ME3: variants seen among roughly 807,000 people sequenced by gnomAD.
ME3 encodes the protein malic enzyme 3.
In ME3, 48 loss-of-function variants were observed where a neutral mutation model predicts 68.9. The ratio of observed to expected loss-of-function variants is 0.70; its 90% CI spans 0.55 to 0.89. The LOEUF is 0.89. Ranked by LOEUF, ME3 falls within the 40% of genes least tolerant of loss-of-function variation. ME3 has a pLI of 0.00. For synonymous variants in ME3, 320 were observed against 318.8 expected (o/e 1.00, Z -0.04); for missense variants, 675 against 797.4 (o/e 0.85, Z 1.85).
chr11:86,496,149 C>A (rs181397340), intron 6 of ME3, among the ~76,000 whole-genome samples: 5 of 152,138 alleles, frequency 3.3e-5, no homozygotes, highest in African/African-American at 9.6e-5. Context: ...CTCAAGTCTG[C>A]AATCTCAGCA....
chr11:86,458,825 G>A (rs1376622413), intron 8 of ME3, among the ~76,000 whole-genome samples: 2 of 152,102 alleles, frequency 1.3e-5, no homozygotes, highest in Admixed American at 6.5e-5. Flanking sequence ...CGAGCTGCAC[G>A]GTCTTCAGAG....
intron 2 of ME3, among the ~76,000 whole-genome samples, chr11:86,599,759 G>C (rs1171360994): frequency 6.6e-6 from 1 of 152,154 alleles, no homozygotes; most frequent in East Asian, 1.9e-4. Context: ...TCTCTTGGCA[G>C]AAACTCTACA....
intron 2 of ME3, among the ~76,000 whole-genome samples, chr11:86,652,393 C>A (rs537181335): frequency 1.3e-5 from 2 of 152,348 alleles, no homozygotes; most frequent in Middle Eastern, 3.4e-3. Context: ...AACAGCTGAT[C>A]TCTCTGCAGA....
exon 15 of ME3, chr11:86,441,378 C>A (rs1376870610): frequency 6.2e-7 from 1 of 1,613,062 alleles, no homozygotes. Flanking sequence ...TTACAAAAGC[C>A]TCCTTGTCCT....
At chr11:86,640,620 C>T (rs1328223761) in intron 2 of ME3, among the ~76,000 whole-genome samples, 2 of 152,194 alleles carry the variant, frequency 1.3e-5, no homozygotes, top group Non-Finnish European at 2.9e-5. Flanking sequence ...CAATAATGCC[C>T]AATGGATATT....
chr11:86,596,081 T>A (rs960795379), intron 2 of ME3, among the ~76,000 whole-genome samples: 1 of 152,256 alleles, frequency 6.6e-6, no homozygotes, highest in African/African-American at 2.4e-5. Flanking sequence ...TATTTTTCCC[T>A]TGACAACTCA....
intron 2 of ME3, among the ~76,000 whole-genome samples, chr11:86,574,782 C>T (rs543806733): frequency 6.6e-6 from 1 of 152,316 alleles, no homozygotes; most frequent in South Asian, 2.1e-4. Flanking sequence ...TCAACTTTCT[C>T]GTAGTCGCTC....
chr11:86,657,289 TAA>T (rs1456582530), intron 2 of ME3, among the ~76,000 whole-genome samples: 2 of 152,016 alleles, frequency 1.3e-5, no homozygotes, highest in African/African-American at 4.8e-5. Context: ...TATGCAGCCA[TAA>T]AAAAGAATGA....
At position 86,631,452 on chromosome 11, in the gene ME3, C is replaced by T. The variant is rs145876185; in HGVS notation, c.183+40310G>A. Among the ~76,000 whole-genome samples, 337 of 152,194 alleles carry T rather than the reference C, an allele frequency of 2.2e-3. 1 individual carries two copies. Among genetic ancestry groups the T allele is most frequent in the Middle Eastern group, 0.014 (4 of 294 alleles). ...GACAAGAATGTGAGAGAACTAGTGCCAAACTCATAAGAAAACCGTGGGCAA... is the reference window on the plus strand; with the variant it reads ...GACAAGAATGTGAGAGAACTAGTGCTAAACTCATAAGAAAACCGTGGGCAA... On this transcript the variant is annotated intron_variant, in intron 2 of 14. Coordinates refer to ENST00000543262, the Ensembl canonical transcript of ME3.
chr11:86,618,544 G>T (rs1218915020), intron 2 of ME3, among the ~76,000 whole-genome samples: 2 of 152,026 alleles, frequency 1.3e-5, no homozygotes, highest in African/African-American at 2.4e-5. Context: ...CTTGAAGCTG[G>T]TCACAATTGT....
chr11:86,517,660 G>A (rs150169029), intron 4 of ME3, among the ~76,000 whole-genome samples: 2 of 152,302 alleles, frequency 1.3e-5, no homozygotes, highest in East Asian at 1.9e-4. Flanking sequence ...GAGAGCAAAG[G>A]AAAAGAATTC....
intron 8 of ME3, among the ~76,000 whole-genome samples, chr11:86,458,236 T>TA (rs1451062043): frequency 1.3e-5 from 2 of 152,182 alleles, no homozygotes; most frequent in African/African-American, 2.4e-5. Context: ...TAAAGACAAA[T>TA]AAAAGTCTTG....
intron 7 of ME3, among the ~76,000 whole-genome samples, chr11:86,485,187 C>T (rs917998828): frequency 6.6e-6 from 1 of 152,196 alleles, no homozygotes; most frequent in Non-Finnish European, 1.5e-5. Context: ...ACAAACAAGT[C>T]CAATTCTCTT....
At chr11:86,480,923 A>G (rs1235758145) in intron 7 of ME3, among the ~76,000 whole-genome samples, 2 of 152,122 alleles carry the variant, frequency 1.3e-5, no homozygotes, top group Admixed American at 1.3e-4. Flanking sequence ...AAAACTGTGG[A>G]AAGTCTCTGT....
At chr11:86,583,993 C>A (rs1958589235) in intron 2 of ME3, among the ~76,000 whole-genome samples, 2 of 152,076 alleles carry the variant, frequency 1.3e-5, no homozygotes, top group Admixed American at 1.3e-4. Context: ...AATGCCTCTG[C>A]ACAGCAAAGA....
intron 4 of ME3, among the ~76,000 whole-genome samples, chr11:86,520,207 G>T (rs1354882443): frequency 6.6e-6 from 1 of 152,112 alleles, no homozygotes; most frequent in Non-Finnish European, 1.5e-5. Context: ...TGACTTTAGA[G>T]CCCAGGTGTA....
chr11:86,670,546 T>C (rs1310946548), intron 2 of ME3, among the ~76,000 whole-genome samples: 4 of 152,228 alleles, frequency 2.6e-5, no homozygotes. Flanking sequence ...TGGAAAGTGG[T>C]AGCGTCCAAA....
intron 7 of ME3, among the ~76,000 whole-genome samples, chr11:86,473,809 AAG>A (rs1026275953): frequency 2.0e-5 from 3 of 152,180 alleles, no homozygotes; most frequent in East Asian, 1.9e-4. Context: ...GGATTGGAGA[AAG>A]AGGGAATACG....
At chr11:86,469,797 C>G (rs995318526) in intron 7 of ME3, among the ~76,000 whole-genome samples, 1 of 152,044 alleles carries the variant, frequency 6.6e-6, no homozygotes, top group African/African-American at 2.4e-5. Context: ...GAAGGCATTC[C>G]AAAGCCAGGG....
Sources: gnomAD v4.1 joint callset for allele counts (sites outside exome capture counted in the v4.1 genomes callset) on GRCh38, gnomAD v4.1.1 for gene constraint, MANE v1.5 for transcripts, NCBI Gene and HGNC (gene_info 2026-07-23, HGNC 2026-07-21) for gene names.